Variants in WDR27 observed in about 807,000 individuals in gnomAD.
The protein encoded by WDR27 is WD repeat domain 27.
A neutral mutation model predicts 114.4 loss-of-function variants in WDR27; 100 were observed. The observed-to-expected ratio is 0.87, with a 90% CI of 0.74 to 1.03. The LOEUF is 1.03. Among genes scored for constraint, WDR27 ranks in the 50% least tolerant of loss-of-function variants. The pLI, the probability that WDR27 is intolerant of heterozygous loss-of-function variation, is 0.00. For synonymous variants in WDR27, 449 were observed against 423.1 expected (o/e 1.06, Z -0.75); for missense variants, 1,129 against 1,092.9 (o/e 1.03, Z -0.47).
chr6:169,450,515 T>C, the WDR27 span, among the ~76,000 whole-genome samples: 21 of 152,196 alleles, frequency 1.4e-4, no homozygotes, highest in African/African-American at 5.1e-4. Flanking sequence ...GCAGACAGGG[T>C]GTGCCTCTCC....
intron 5 of WDR27, among the ~76,000 whole-genome samples, chr6:169,667,625 C>G (rs912390334): frequency 1.3e-5 from 2 of 152,198 alleles, no homozygotes; most frequent in Non-Finnish European, 2.9e-5. Context: ...TCTTCTAGAG[C>G]CTCATTTTGT....
chr6:169,543,940 T>C (rs183567015), intron 25 of WDR27, among the ~76,000 whole-genome samples: 219 of 152,338 alleles, frequency 1.4e-3, no homozygotes, highest in Non-Finnish European at 2.8e-3. Flanking sequence ...AGATTTCAAA[T>C]ATTGACATAT....
the WDR27 span, among the ~76,000 whole-genome samples, chr6:169,428,720 G>GGCCC: frequency 6.6e-6 from 1 of 152,166 alleles, no homozygotes; most frequent in African/African-American, 2.4e-5. Flanking sequence ...GTGCGGGGAG[G>GGCCC]GCCCGCCCTC....
intron 21 of WDR27, among the ~76,000 whole-genome samples, chr6:169,624,971 C>A (rs1814423600): frequency 6.6e-6 from 1 of 152,208 alleles, no homozygotes; most frequent in South Asian, 2.1e-4. Context: ...CCCTCGGGGC[C>A]CGGCCCATCC....
At chr6:169,555,366 A>G (rs1798727689) in intron 25 of WDR27, among the ~76,000 whole-genome samples, 1 of 152,110 alleles carries the variant, frequency 6.6e-6, no homozygotes, top group South Asian at 2.1e-4. Context: ...GCTCATCCCC[A>G]GAGGAGGAGA....
chr6:169,481,427 A>G (rs1447320357), intron 25 of WDR27, among the ~76,000 whole-genome samples: 4 of 152,258 alleles, frequency 2.6e-5, no homozygotes, highest in Admixed American at 6.5e-5. Flanking sequence ...AGGCTGCCCA[A>G]GCCAACAGCA....
intron 25 of WDR27, among the ~76,000 whole-genome samples, chr6:169,556,885 G>T (rs1798967200): frequency 6.6e-6 from 1 of 151,744 alleles, no homozygotes; most frequent in African/African-American, 2.4e-5. Context: ...ACCACCTCAA[G>T]GCTAAAATTA....
the WDR27 span, among the ~76,000 whole-genome samples, chr6:169,443,146 T>C: frequency 6.6e-6 from 1 of 152,180 alleles, no homozygotes; most frequent in Non-Finnish European, 1.5e-5. Context: ...AAATGGTTCA[T>C]GCAGATTGAA....
At chr6:169,638,990 T>C (rs1290865593) in intron 17 of WDR27, among the ~76,000 whole-genome samples, 7 of 151,728 alleles carry the variant, frequency 4.6e-5, no homozygotes, top group African/African-American at 1.5e-4. Context: ...TACTGTGCAG[T>C]GCTGGGTACT....
the WDR27 span, among the ~76,000 whole-genome samples, chr6:169,452,157 G>T: frequency 3.9e-5 from 6 of 152,302 alleles, no homozygotes; most frequent in South Asian, 2.1e-4. Flanking sequence ...CACAGTGGAA[G>T]ATAAGTCAGT....
At chr6:169,559,169 T>A (rs909025528) in intron 25 of WDR27, 1 of 152,258 alleles carries the variant, frequency 6.6e-6, no homozygotes, top group African/African-American at 2.4e-5. Flanking sequence ...CATCCCTGCA[T>A]GGCAGTGAAA....
intron 25 of WDR27, among the ~76,000 whole-genome samples, chr6:169,555,894 C>T (rs1176368524): frequency 1.3e-5 from 2 of 152,258 alleles, no homozygotes; most frequent in Non-Finnish European, 2.9e-5. Context: ...GTTTTTAACA[C>T]GTGTTGCTGG....
intron 25 of WDR27, among the ~76,000 whole-genome samples, chr6:169,567,238 T>C (rs1344836513): frequency 1.3e-5 from 2 of 152,212 alleles, no homozygotes; most frequent in Non-Finnish European, 2.9e-5. Flanking sequence ...TTTGGCTTTG[T>C]CCGTGATAAA....
chr6:169,656,687 G>GCGACAGCTCCCAGCTC (rs531692969), intron 13 of WDR27, among the ~76,000 whole-genome samples: 22 of 152,300 alleles, frequency 1.4e-4, no homozygotes, highest in African/African-American at 4.1e-4. Context: ...CCAGGAGGAG[G>GCGACAGCTCCCAGCTC]CGACAGCTCC....
At chr6:169,619,568 T>C (rs1203840885) in intron 21 of WDR27, among the ~76,000 whole-genome samples, 2 of 152,102 alleles carry the variant, frequency 1.3e-5, no homozygotes, top group South Asian at 2.1e-4. Flanking sequence ...AATACACTGG[T>C]TTCCCACCTG....
the WDR27 span, among the ~76,000 whole-genome samples, chr6:169,428,413 T>G: frequency 6.6e-6 from 1 of 152,256 alleles, no homozygotes; most frequent in Non-Finnish European, 1.5e-5. Flanking sequence ...AACACAGTTC[T>G]AAATTTGTTA....
chr6:169,528,136 T>C (rs1008778759), intron 25 of WDR27, among the ~76,000 whole-genome samples: 1 of 152,200 alleles, frequency 6.6e-6, no homozygotes, highest in African/African-American at 2.4e-5. Flanking sequence ...ATTACATAAA[T>C]GTGCAATGTA....
the WDR27 span, among the ~76,000 whole-genome samples, chr6:169,434,068 C>G: frequency 6.6e-6 from 1 of 152,182 alleles, no homozygotes; most frequent in Admixed American, 6.5e-5. Context: ...GTTTCTTTTG[C>G]TGTGCAGAAG....
At chr6:169,649,829 T>C (rs1821790994) in intron 14 of WDR27, among the ~76,000 whole-genome samples, 1 of 125,698 alleles carries the variant, frequency 8.0e-6, no homozygotes, top group Admixed American at 8.7e-5. Flanking sequence ...CACATCCATC[T>C]CTCATCTCTC....
Sources: gnomAD v4.1 joint callset for allele counts (sites outside exome capture counted in the v4.1 genomes callset) on GRCh38, gnomAD v4.1.1 for gene constraint, MANE v1.5 for transcripts, NCBI Gene and HGNC (gene_info 2026-07-23, HGNC 2026-07-21) for gene names.